Variants in FREM1 observed in about 807,000 individuals in gnomAD.
FREM1 encodes the protein FRAS1 related extracellular matrix 1.
In FREM1, 220 loss-of-function variants were observed where a neutral mutation model predicts 210.1. The observed-to-expected ratio is 1.05, with a 90% CI of 0.94 to 1.17. The LOEUF (loss-of-function observed/expected upper bound fraction) is 1.17, where lower values mean the gene tolerates loss of function less well. Among genes scored for constraint, FREM1 ranks in the 50% most tolerant of loss-of-function variants. The probability of loss-of-function intolerance (pLI) is 0.00; values close to 1 mark genes in which losing one functional copy is unlikely to be tolerated. For synonymous variants in FREM1, 1,189 were observed against 980.2 expected, an observed-to-expected ratio of 1.21 and a Z score of -3.98; for missense variants, 3,454 against 2,675.5, an observed-to-expected ratio of 1.29 and a Z score of -6.42.
intron 10 of FREM1, 39 bp from the exon 11 acceptor site, chr9:14,825,031 A>C (rs1244077233): frequency 7.0e-7 from 1 of 1,427,622 alleles, no homozygotes; most frequent in Non-Finnish European, 9.5e-7. Flanking sequence ...TTGAAATACC[A>C]AAAAAACAAC....
intron 35 of FREM1, among the ~76,000 whole-genome samples, chr9:14,745,070 A>C (rs191384301): frequency 2.0e-5 from 3 of 152,206 alleles, no homozygotes; most frequent in Non-Finnish European, 2.9e-5. Context: ...TGATGAGAAC[A>C]CATGGACACA....
chr9:14,884,783 G>C (rs1391945349), intron 1 of FREM1, among the ~76,000 whole-genome samples: 1 of 152,042 alleles, frequency 6.6e-6, no homozygotes, highest in Non-Finnish European at 1.5e-5. Context: ...TGGTAATGAC[G>C]TGCCTTGATG....
At chr9:14,854,078 C>T (rs1178624811) in intron 5 of FREM1, among the ~76,000 whole-genome samples, 1 of 152,138 alleles carries the variant, frequency 6.6e-6, no homozygotes, top group Non-Finnish European at 1.5e-5. Flanking sequence ...TATCATCATA[C>T]ATAGGAAGGA....
chr9:14,791,507 G>A (rs1389734), intron 22 of FREM1, among the ~76,000 whole-genome samples: 147,155 of 152,306 alleles, frequency 0.97, 71,278 homozygotes, highest in Middle Eastern at 1. Context: ...TGACTCCCAC[G>A]TGAAGTTTTC....
intron 3 of FREM1, among the ~76,000 whole-genome samples, chr9:14,860,920 C>CGT (rs1830097045): frequency 3.8e-5 from 3 of 79,780 alleles, no homozygotes; most frequent in African/African-American, 2.4e-4. Flanking sequence ...CACATATACA[C>CGT]ATATATACAC....
At chr9:14,827,642 A>T (rs923469303) in intron 10 of FREM1, among the ~76,000 whole-genome samples, 2 of 152,236 alleles carry the variant, frequency 1.3e-5, no homozygotes, top group East Asian at 1.9e-4. Context: ...AGAGATTAGT[A>T]TGAATAGAAA....
Position 14,868,741 on chromosome 9 carries a change from T to C in FREM1, c.234+3A>G, listed in dbSNP as rs754799279. ...TGAACAGAAAATCGCAGATAGGACC[T>C]ACCTGTGGAGTGAGTTTCCCAACCC... On this transcript the variant is annotated splice_donor_region_variant and intron_variant, in intron 2 of 36. Coordinates refer to ENST00000380880, the MANE Select transcript of FREM1 (RefSeq NM_001379081.2). 4 of 1,592,422 alleles carry C rather than the reference T, an allele frequency of 2.5e-6. No individual in the cohort carries two copies. Among genetic ancestry groups the C allele is most frequent in the Admixed American group, 1.7e-5 (1 of 58,806 alleles).
intron 16 of FREM1, 62 bp downstream of exon 16, chr9:14,812,750 C>T (rs1237400481): frequency 2.0e-6 from 3 of 1,509,894 alleles, no homozygotes; most frequent in East Asian, 2.3e-5. Flanking sequence ...GGAGCCCACA[C>T]TGAGGAGTGG....
chr9:14,908,931 T>G (rs576513161), intron 1 of FREM1, among the ~76,000 whole-genome samples: 3 of 152,306 alleles, frequency 2.0e-5, no homozygotes, highest in Non-Finnish European at 4.4e-5. Flanking sequence ...AGAGCTGCAC[T>G]GAAGGCACCT....
At chr9:14,767,748 A>G (rs374271643) in intron 27 of FREM1, among the ~76,000 whole-genome samples, 2 of 152,148 alleles carry the variant, frequency 1.3e-5, no homozygotes, top group African/African-American at 4.8e-5. Flanking sequence ...CCGTTCAAAA[A>G]TGATGATGAT....
rs189297966 is a variant in FREM1 at position 14,758,030 on chromosome 9, A to T, written c.5335-1584T>A. Reference sequence around the variant, plus strand: ...CTGAGTTTACAGAATCCTATGTGGGAAAAGGAATGGTCTGAGGCAAGGTGG... The same window carrying T: ...CTGAGTTTACAGAATCCTATGTGGGTAAAGGAATGGTCTGAGGCAAGGTGG... On this transcript the variant is annotated intron_variant, in intron 28 of 36. Coordinates refer to ENST00000380880, the MANE Select transcript of FREM1 (RefSeq NM_001379081.2). Among the ~76,000 whole-genome samples, 315 of 152,278 alleles carry T rather than the reference A, an allele frequency of 2.1e-3. 2 individuals carry two copies. Among genetic ancestry groups the T allele is most frequent in the African/African-American group, 7.3e-3 (304 of 41,558 alleles).
intron 32 of FREM1, 67 bp from the exon 33 acceptor site, chr9:14,747,495 G>A: frequency 6.7e-7 from 1 of 1,485,534 alleles, no homozygotes; most frequent in Admixed American, 2.1e-5. Flanking sequence ...ACAAAAAAAT[G>A]AGCAATTCAA....
chr9:14,870,314 A>C (rs951590291), intron 1 of FREM1, among the ~76,000 whole-genome samples: 28 of 152,166 alleles, frequency 1.8e-4, no homozygotes, highest in Admixed American at 1.8e-3. Flanking sequence ...GTGTCACCTG[A>C]TACCTGAGGG....
At chr9:14,792,272 G>GCACACACACACACACACACACACA (rs34037291) in intron 22 of FREM1, among the ~76,000 whole-genome samples, 7 of 142,328 alleles carry the variant, frequency 4.9e-5, no homozygotes, top group African/African-American at 1.9e-4. Flanking sequence ...ACACACACAC[G>GCACACACACACACACACACACACA]CACACACACA....
chr9:14,754,788 G>A (rs1488510293), intron 29 of FREM1, among the ~76,000 whole-genome samples: 1 of 152,104 alleles, frequency 6.6e-6, no homozygotes, highest in Non-Finnish European at 1.5e-5. Context: ...AAAAAAATTA[G>A]CCAGGTGTGG....
intron 25 of FREM1, among the ~76,000 whole-genome samples, chr9:14,771,571 A>C (rs1031435129): frequency 6.6e-6 from 1 of 152,106 alleles, no homozygotes; most frequent in Non-Finnish European, 1.5e-5. Context: ...TGACTGTTGT[A>C]GGTTATGGAT....
chr9:14,804,195 A>T (rs1206364654), intron 19 of FREM1, among the ~76,000 whole-genome samples: 1 of 152,218 alleles, frequency 6.6e-6, no homozygotes, highest in Non-Finnish European at 1.5e-5. Context: ...GTTATCTAAA[A>T]AAAAATTATG....
intron 3 of FREM1, among the ~76,000 whole-genome samples, chr9:14,861,330 C>CAT (rs748716723): frequency 8.0e-6 from 1 of 124,412 alleles, no homozygotes; most frequent in African/African-American, 3.8e-5. Flanking sequence ...CACATATATA[C>CAT]ATATATACAC....
intron 29 of FREM1, among the ~76,000 whole-genome samples, chr9:14,755,843 C>T (rs539279535): frequency 6.6e-6 from 1 of 152,294 alleles, no homozygotes; most frequent in South Asian, 2.1e-4. Context: ...AGAGCAAGTA[C>T]CAGCCTTTTT....
Sources: gnomAD v4.1 joint callset for allele counts (sites outside exome capture counted in the v4.1 genomes callset) on GRCh38, gnomAD v4.1.1 for gene constraint, MANE v1.5 for transcripts, NCBI Gene and HGNC (gene_info 2026-07-23, HGNC 2026-07-21) for gene names.